The following NUP107 variants were observed in gnomAD, a reference collection of about 807,000 sequenced individuals.
NUP107 encodes nucleoporin 107, also known as nuclear pore complex protein Nup107.
In NUP107, 101 loss-of-function variants were observed where a neutral mutation model predicts 141.0. That is an observed-to-expected ratio of 0.72 (90% confidence interval 0.61 to 0.84). The LOEUF is 0.84. Ranked by LOEUF, NUP107 falls within the 40% of genes least tolerant of loss-of-function variation. The pLI is 0.00. For missense variants in NUP107, 941 were observed against 1,102.7 expected, an observed-to-expected ratio of 0.85 and a Z score of 2.08; for synonymous variants, 319 against 363.9, an observed-to-expected ratio of 0.88 and a Z score of 1.41.
Position 68,745,567 on chromosome 12 carries a change from G to A in NUP107, c.*3105G>A, listed in dbSNP as rs1490714489. The A allele has an allele frequency of 6.6e-6, 1 of 152,152 alleles. No homozygotes were observed. Among genetic ancestry groups the A allele is most frequent in the African/African-American group, 2.4e-5 (1 of 41,428 alleles). 9.4% of individuals were successfully genotyped at this position (152,152 alleles called of 1,614,324 possible). A position where few individuals can be genotyped will look rare whatever the true frequency, so the allele number is the denominator to read the frequency against. On this transcript the variant is annotated 3_prime_UTR_variant, in exon 28 of 28. Coordinates refer to ENST00000229179, the MANE Select transcript of NUP107 (RefSeq NM_020401.4). ...ATATTTGTATGCACCCCTAGAGACA[G>A]CTGTATATATATACGGTTTTGCCAG...
At chr12:68,692,929 T>C (rs1875881209) in intron 5 of NUP107, among the ~76,000 whole-genome samples, 1 of 151,790 alleles carries the variant, frequency 6.6e-6, no homozygotes, top group South Asian at 2.1e-4. Flanking sequence ...TTTGTATTTT[T>C]AGTAGAAACG....
chr12:68,691,922 A>G (rs1565685128), intron 4 of NUP107, 46 bp from the exon 5 acceptor site: 1 of 1,496,504 alleles, frequency 6.7e-7, no homozygotes, highest in Non-Finnish European at 9.0e-7. Flanking sequence ...CAGTGACAAT[A>G]ACTCCATCAC....
chr12:68,689,054 G>A lies in NUP107; in HGVS notation c.100+1G>A, dbSNP rs939864077. The A allele has an allele frequency of 1.9e-5, 31 of 1,605,158 alleles. No individual in the cohort carries two copies. The highest frequency in any genetic ancestry group is 2.4e-5 in the Non-Finnish European group (28 of 1,173,528). ...CAGAGTGCTCAGAAAAGAGTTTTAC[G>A]TATCCTTTGCGATTTAAGCATCATT... On this transcript the variant is annotated splice_donor_variant, in intron 2 of 27. Transcript: ENST00000229179. LOFTEE classifies it high-confidence loss of function.
intron 17 of NUP107, among the ~76,000 whole-genome samples, chr12:68,725,304 A>G (rs755536808): frequency 6.6e-5 from 10 of 152,004 alleles, no homozygotes; most frequent in Non-Finnish European, 1.2e-4. Context: ...GGTGCCATGT[A>G]CAGAAGAGAA....
intron 8 of NUP107, among the ~76,000 whole-genome samples, chr12:68,708,776 G>A (rs921988274): frequency 4.6e-5 from 7 of 151,970 alleles, no homozygotes; most frequent in Non-Finnish European, 7.4e-5. Flanking sequence ...GCGTCACCAC[G>A]CCCAGCTAAT....
chr12:68,738,147 G>A (rs969402077), intron 26 of NUP107, among the ~76,000 whole-genome samples: 1 of 152,118 alleles, frequency 6.6e-6, no homozygotes, highest in African/African-American at 2.4e-5. Flanking sequence ...ATGGTGGCAC[G>A]TGCCTGTAGT....
At chr12:68,703,660 A>G (rs1287936962) in intron 8 of NUP107, among the ~76,000 whole-genome samples, 2 of 152,118 alleles carry the variant, frequency 1.3e-5, no homozygotes, top group South Asian at 2.1e-4. Context: ...TGTATTGACC[A>G]GGCTGGTCTC....
intron 24 of NUP107, 52 bp downstream of exon 24, chr12:68,733,664 G>T: frequency 6.4e-7 from 1 of 1,553,176 alleles, no homozygotes; most frequent in Non-Finnish European, 8.7e-7. Context: ...TGATTTTTCG[G>T]ATTCACTCTC....
At chr12:68,705,648 G>A (rs1876542086) in intron 8 of NUP107, 1 of 569,842 alleles carries the variant, frequency 1.8e-6, no homozygotes, top group Non-Finnish European at 3.3e-6. Flanking sequence ...CCATCAGAGT[G>A]ACCCAGAAGT....
At chr12:68,696,793 C>T (rs979859027) in intron 5 of NUP107, 26 bp from the exon 6 acceptor site, 20 of 1,027,652 alleles carry the variant, frequency 1.9e-5, no homozygotes, top group South Asian at 3.3e-5. Flanking sequence ...TTCTTTATTC[C>T]TTTTTTTTTT....
intron 1 of NUP107, chr12:68,687,411 A>G: frequency 2.8e-6 from 3 of 1,081,188 alleles, no homozygotes; most frequent in Non-Finnish European, 3.4e-6. Flanking sequence ...TCACAAAGCC[A>G]GTCAGTGAAG....
chr12:68,731,219 T>A lies in NUP107; in HGVS notation c.1844T>A (p.Phe615Tyr). 1 of 1,612,326 alleles carries A rather than the reference T, an allele frequency of 6.2e-7. No homozygotes were observed. The highest frequency in any genetic ancestry group is 8.5e-7 in the Non-Finnish European group (1 of 1,179,252). Reference protein sequence around the residue: ...YALFLESVTEFEQRHHCLELA... With the variant: ...YALFLESVTEYEQRHHCLELA... ...TTATTTTTGGAAAGTGTTACAGAAT[T>A]TGAACAGCGCCACCATTGCCTGGAG... The change falls in exon 21 of 28, where the codon TTT (phenylalanine) becomes TAT (tyrosine). Residue 615 changes from phenylalanine (F) to tyrosine (Y), a missense_variant. Physicochemically the swap from Phe to Tyr is conservative, Grantham distance 22 (BLOSUM62 3). Coordinates refer to ENST00000229179, the MANE Select transcript of NUP107 (RefSeq NM_020401.4).
chr12:68,687,386 G>C, intron 1 of NUP107: 1 of 1,069,286 alleles, frequency 9.4e-7, no homozygotes, highest in East Asian at 3.9e-5. Context: ...GAAATGCTAA[G>C]TGACCAGCCT....
Position 68,731,615 on chromosome 12 carries a change from G to A in NUP107, c.1894G>A (p.Val632Ile). 6.4e-7 allele frequency: 1 copy of A among 1,551,592 alleles called. No individual in the cohort carries two copies. Among genetic ancestry groups the A allele is most frequent in the South Asian group, 1.2e-5 (1 of 80,744 alleles). ...TTCAAAAAATTATTTAGATTTGGAT[G>A]TTGCAACAATAACAAAAACTGTAGT... ...LELAKEADLD[V>I]ATITKTVVEN... is the part of the protein sequence containing the mutation. The change falls in exon 22 of 28, where the codon GTT becomes ATT. Residue 632 changes from valine to isoleucine, a missense_variant. By Grantham distance (29) the Val-to-Ile change is conservative (BLOSUM62 3). Transcript: ENST00000229179.
chr12:68,726,593 C>G lies in NUP107; in HGVS notation c.1671C>G (p.Phe557Leu), dbSNP rs1877575278. ...LRFMTHLILF[F>L]RTLGLQTKEE... ...TTATGACTCACCTTATTTTGTTTTT[C>G]CGTACTCTGGGACTACAGACCAAGG... The change falls in exon 19 of 28, where the codon TTC becomes TTG. Residue 557 changes from phenylalanine to leucine, a missense_variant. Transcript: ENST00000229179. The G allele has an allele frequency of 6.2e-7, 1 of 1,612,716 alleles. No individual in the cohort carries two copies. The highest frequency in any genetic ancestry group is 8.5e-7 in the Non-Finnish European group (1 of 1,178,996).
intron 20 of NUP107, 41 bp downstream of exon 20, chr12:68,727,430 T>C: frequency 8.4e-7 from 1 of 1,188,840 alleles, no homozygotes; most frequent in Non-Finnish European, 1.2e-6. Flanking sequence ...TTTTTACTAT[T>C]TTAATGAAAA....
rs1425415543 is a variant in NUP107, at chr12:68,713,710, G to T, written c.891-20G>T. 1.9e-6 allele frequency: 3 copies of T among 1,561,726 alleles called. No homozygotes were observed. The highest frequency in any genetic ancestry group is 2.6e-6 in the Non-Finnish European group (3 of 1,149,528). ...TTAAAATTACCTCTTAAAAAATTTG[G>T]TACTTATTATTTCTTTCAGGGAAAA... On this transcript the variant is annotated intron_variant, in intron 10 of 27. Coordinates refer to ENST00000229179, the MANE Select transcript of NUP107 (RefSeq NM_020401.4).
intron 20 of NUP107, 80 bp from the exon 21 acceptor site, chr12:68,731,030 C>G: frequency 1.1e-6 from 1 of 871,136 alleles, no homozygotes; most frequent in Non-Finnish European, 1.7e-6. Context: ...CTGTATGAAC[C>G]TCTCCTGAAT....
At position 68,742,304 on chromosome 12, in the gene NUP107, A is replaced by C. The variant is rs371102599; in HGVS notation, c.2671-51A>C. 21 of 1,171,988 alleles carry C rather than the reference A, an allele frequency of 1.8e-5. No individual in the cohort carries two copies. In the African/African-American group the frequency reaches 3.2e-4, roughly 18 times the overall value. 72.6% of individuals were successfully genotyped at this position (1,171,988 alleles called of 1,614,324 possible). On this transcript the variant is annotated intron_variant, in intron 27 of 27. Transcript: ENST00000229179. ...AGATCGATTAGGTAACTAAGTTCAT[A>C]CTTGTCTACTTGTCTTTGTTCTCAT...
Sources: gnomAD v4.1 joint callset for allele counts (sites outside exome capture counted in the v4.1 genomes callset) on GRCh38, gnomAD v4.1.1 for gene constraint, MANE v1.5 for transcripts, NCBI Gene and HGNC (gene_info 2026-07-23, HGNC 2026-07-21) for gene names.